DOCK6: variants seen among roughly 807,000 people sequenced by gnomAD.
The protein encoded by DOCK6 is dedicator of cytokinesis protein 6.
Under a neutral mutation model 230.3 loss-of-function variants are expected in DOCK6, and 167 were observed. The ratio of observed to expected loss-of-function variants is 0.73; its 90% CI spans 0.64 to 0.82. The LOEUF is 0.82. Ranked by LOEUF, DOCK6 falls within the 40% of genes least tolerant of loss-of-function variation. The probability of loss-of-function intolerance (pLI) is 0.00; values close to 1 mark genes in which losing one functional copy is unlikely to be tolerated. For missense variants in DOCK6, 2,598 were observed against 2,825.8 expected (o/e 0.92, Z 1.83); for synonymous variants, 1,148 against 1,185.0 (o/e 0.97, Z 0.64).
rs779923152 is a variant in DOCK6, at chr19:11,236,882, G to A, written c.2074-3C>T. The A allele has an allele frequency of 6.4e-7, 1 of 1,551,570 alleles. No homozygotes were observed. The highest frequency in any genetic ancestry group is 8.7e-7 in the Non-Finnish European group (1 of 1,147,596). ...CAGCGCATGCCCGGAAGCGCCACCT[G>A]TGGGAGGGAGGCACCAGGTGGGCAC... On this transcript the variant is annotated splice_region_variant and splice_polypyrimidine_tract_variant and intron_variant, in intron 18 of 47. Transcript: ENST00000294618. This position sits in a 1 kb window ranked among gnomAD's most constrained non-coding sequence, Gnocchi z 5.2.
chr19:11,239,691 T>C (rs771383574), intron 14 of DOCK6: 1 of 1,613,720 alleles, frequency 6.2e-7, no homozygotes, highest in East Asian at 2.2e-5. Context: ...TGACCCGGCC[T>C]GCCTCAGCGG....
chr19:11,242,657 G>T (rs1046394368), intron 13 of DOCK6, among the ~76,000 whole-genome samples: 2 of 151,858 alleles, frequency 1.3e-5, no homozygotes, highest in African/African-American at 4.8e-5. Context: ...CTCCCAAAGT[G>T]CTGGCATTAC....
chr19:11,208,034 A>C (rs1331605409), intron 39 of DOCK6, among the ~76,000 whole-genome samples: 1 of 151,994 alleles, frequency 6.6e-6, no homozygotes, highest in Admixed American at 6.6e-5. Flanking sequence ...AGGTGGGAGG[A>C]TTACTTGAGC....
In DOCK6 at chr19:11,217,874, C is replaced by T. The variant is rs371055705; in HGVS notation, c.3551-483G>A. 2.4e-4 allele frequency among the ~76,000 whole-genome samples: 36 copies of T among 151,826 alleles called. No homozygotes were observed. The East Asian group carries it at 2.7e-3, about 11-fold the overall frequency. ...TTTTATTTATTATTGTTTTTTGAGA[C>T]GGAGTCTTGCTCTGTTGCCCCGGCT... On this transcript the variant is annotated intron_variant, in intron 28 of 47. Coordinates refer to ENST00000294618, the MANE Select transcript of DOCK6 (RefSeq NM_020812.4).
intron 31 of DOCK6, 91 bp from the exon 32 acceptor site, chr19:11,215,562 G>T: frequency 7.1e-7 from 1 of 1,399,216 alleles, no homozygotes; most frequent in Non-Finnish European, 9.9e-7. Flanking sequence ...AGATATTCAG[G>T]TGGGCTGACC....
At position 11,243,914 on chromosome 19, in the gene DOCK6, G is replaced by A. The variant is rs1489941547; in HGVS notation, c.1024-32C>T. ...GGCAGATGAATGAATCCAGTGAGGC[G>A]CTGCCCGAACGCTCTGTTCCCCCGT... On this transcript the variant is annotated intron_variant, in intron 9 of 47. Transcript: ENST00000294618. The surrounding 1 kb of genome is among the most constrained non-coding windows in gnomAD (Gnocchi z 6.3). The A allele has an allele frequency of 1.9e-6, 3 of 1,581,212 alleles. No individual in the cohort carries two copies. The highest frequency in any genetic ancestry group is 2.3e-5 in the East Asian group (1 of 43,260).
chr19:11,218,561 C>T (rs1053355269), intron 28 of DOCK6, among the ~76,000 whole-genome samples: 8 of 152,158 alleles, frequency 5.3e-5, no homozygotes, highest in African/African-American at 1.9e-4. Context: ...GATCCTCCCA[C>T]CTCAGCCTCC....
chr19:11,228,220 A>G (rs968755389), intron 23 of DOCK6, among the ~76,000 whole-genome samples: 1 of 152,104 alleles, frequency 6.6e-6, no homozygotes, highest in Non-Finnish European at 1.5e-5. Context: ...CATGTTGGCC[A>G]GGCTGGTCTC....
Position 11,200,427 on chromosome 19 carries a change from C to A in DOCK6, c.5982G>T (p.Pro1994=). The A allele has an allele frequency of 6.2e-7, 1 of 1,611,018 alleles. No homozygotes were observed. Among genetic ancestry groups the A allele is most frequent in the South Asian group, 1.1e-5 (1 of 90,142 alleles). Residue 1994 remains proline, a synonymous_variant, in exon 47 of 48, where the codon CCG becomes CCT. Transcript: ENST00000294618. This position sits in a 1 kb window ranked among gnomAD's most constrained non-coding sequence, Gnocchi z 4.3. The part of the protein sequence containing the change: ...ALRKNKALIG[P]DQKEYHRELE... Reference sequence around the variant, plus strand: ...GCTCACGGTGGTACTCCTTCTGGTCCGGCCCAATCAGGGCCTTATTTTTCC... The same window carrying A: ...GCTCACGGTGGTACTCCTTCTGGTCAGGCCCAATCAGGGCCTTATTTTTCC...
In DOCK6 at chr19:11,252,639, C is replaced by A. The variant is rs1834154497; in HGVS notation, c.309-89G>T. The A allele has an allele frequency of 1.1e-5, 17 of 1,598,638 alleles. No homozygotes were observed. In the South Asian group the frequency reaches 1.8e-4, roughly 17 times the overall value. The stretch of plus-strand genomic sequence containing the variant: ...TAAGGTTAGCACTGTCCTGCCTATT[C>A]CAGACAAGGGGAGATGGAGGCTCAG... On this transcript the variant is annotated intron_variant, in intron 3 of 47. Coordinates refer to ENST00000294618, the MANE Select transcript of DOCK6 (RefSeq NM_020812.4).
Position 11,214,683 on chromosome 19 carries a change from C to T in DOCK6, c.4107-34G>A, listed in dbSNP as rs145806223. 4,065 of 1,598,208 alleles carry T rather than the reference C, an allele frequency of 2.5e-3. 8 individuals are homozygous for T. The highest frequency in any genetic ancestry group is 3.1e-3 in the Non-Finnish European group (3,626 of 1,169,100). Reference sequence around the variant, plus strand: ...GGAAAGGAGGTCTTGGGGGCCCACTCGGGGTGAGATCCTACTCCATGGCTG... The same window carrying T: ...GGAAAGGAGGTCTTGGGGGCCCACTTGGGGTGAGATCCTACTCCATGGCTG... On this transcript the variant is annotated intron_variant, in intron 32 of 47. Transcript: ENST00000294618.
intron 14 of DOCK6, among the ~76,000 whole-genome samples, chr19:11,240,546 G>C (rs536697002): frequency 6.6e-6 from 1 of 151,744 alleles, no homozygotes; most frequent in South Asian, 2.1e-4. Context: ...AAAATATTCA[G>C]CATGGGGCGG....
At chr19:11,253,859 G>T (rs2080160384) in intron 1 of DOCK6, 133 bp from the exon 2 acceptor site, 2 of 631,438 alleles carry the variant, frequency 3.2e-6, no homozygotes, top group Admixed American at 3.8e-5. Flanking sequence ...CAGGAGTGCT[G>T]AGGCTTTAAG....
chr19:11,199,743 T>G (rs1284632353), intron 47 of DOCK6, among the ~76,000 whole-genome samples: 9 of 152,242 alleles, frequency 5.9e-5, no homozygotes, highest in Non-Finnish European at 1.3e-4. Context: ...ATTTTACAGA[T>G]GTAGAAACTG....
At position 11,236,516 on chromosome 19, in the gene DOCK6, A is replaced by AAT; in HGVS notation, c.2220_2221dup (p.Phe741TyrfsTer9). 1 of 1,604,850 alleles carries AAT rather than the reference A, an allele frequency of 6.2e-7. No individual in the cohort carries two copies. Among genetic ancestry groups the AAT allele is most frequent in the South Asian group, 1.1e-5 (1 of 88,976 alleles). On this transcript the variant is annotated frameshift_variant, in exon 20 of 48. Transcript: ENST00000294618. LOFTEE classifies it high-confidence loss of function. The surrounding 1 kb of genome is among the most constrained non-coding windows in gnomAD (Gnocchi z 5.2). ...GCTCAGCACAGTGTCCTTGAGCCGG[A>AAT]ATGGGAAGGCTCCCTCCTCCAGGAC...
intron 1 of DOCK6, among the ~76,000 whole-genome samples, chr19:11,259,150 C>T (rs1213429166): frequency 6.6e-6 from 1 of 152,094 alleles, no homozygotes; most frequent in Non-Finnish European, 1.5e-5. Flanking sequence ...CTCCTGGGCT[C>T]CAGCAATCCT....
chr19:11,223,157 A>G (rs2079609004), intron 24 of DOCK6, 51 bp from the exon 25 acceptor site: 5 of 1,539,700 alleles, frequency 3.2e-6, no homozygotes, highest in Non-Finnish European at 4.5e-6. Flanking sequence ...CAGCCCCGAC[A>G]GGGGCTTGGC....
chr19:11,214,604 C>T lies in DOCK6; in HGVS notation c.4152G>A (p.Leu1384=). 6.2e-7 allele frequency: 1 copy of T among 1,613,818 alleles called. No homozygotes were observed. Among genetic ancestry groups the T allele is most frequent in the Non-Finnish European group, 8.5e-7 (1 of 1,179,876 alleles). ...MEHEALVEGN[L]ATEASLVVLD... ...GAACCACTAGGCTTGCCTCGGTTGC[C>T]AGGTTCCCTTCCACCAAGGCCTCGT... The change falls in exon 33 of 48, where the codon CTG becomes CTA. Residue 1384 remains leucine, a synonymous_variant. Transcript: ENST00000294618.
Position 11,200,038 on chromosome 19 carries a change from TACTC to T in DOCK6, c.6101+266_6101+269del, listed in dbSNP as rs1050997130. 2.0e-5 allele frequency among the ~76,000 whole-genome samples: 3 copies of T among 151,646 alleles called. No individual in the cohort carries two copies. Among genetic ancestry groups the T allele is most frequent in the Non-Finnish European group, 4.4e-5 (3 of 67,996 alleles). On this transcript the variant is annotated intron_variant, in intron 47 of 47. Transcript: ENST00000294618. The surrounding 1 kb of genome is among the most constrained non-coding windows in gnomAD (Gnocchi z 4.3). ...GGTGGCAGATGCCTGTAATCCCAGTTACTCAGGAGGCTGAGGCAGGAGACTCGCT... is the reference window on the plus strand; with the variant it reads ...GGTGGCAGATGCCTGTAATCCCAGTTAGGAGGCTGAGGCAGGAGACTCGCT...
Sources: gnomAD v4.1 joint callset for allele counts (sites outside exome capture counted in the v4.1 genomes callset) on GRCh38, gnomAD v4.1.1 for gene constraint, Gnocchi (gnomAD v3.1) non-coding constraint, MANE v1.5 for transcripts, NCBI Gene and HGNC (gene_info 2026-07-23, HGNC 2026-07-21) for gene names.